PALM: variants seen among roughly 807,000 people sequenced by gnomAD.
PALM encodes the protein paralemmin.
In PALM, 18 loss-of-function variants were observed where a neutral mutation model predicts 30.7. That is an observed-to-expected ratio of 0.59 (90% confidence interval 0.41 to 0.87). PALM has a LOEUF of 0.87. Ranked by LOEUF, PALM falls within the 40% of genes least tolerant of loss-of-function variation. PALM has a pLI of 0.00. For missense variants in PALM, 529 were observed against 555.4 expected, an observed-to-expected ratio of 0.95 and a Z score of 0.48; for synonymous variants, 286 against 242.8, an observed-to-expected ratio of 1.18 and a Z score of -1.66.
chr19:727,832 G>C (rs971079810), intron 4 of PALM, 138 bp downstream of exon 4: 3 of 781,210 alleles, frequency 3.8e-6, no homozygotes, highest in Non-Finnish European at 6.0e-6. Flanking sequence ...GACCCAACAT[G>C]CTTTGAGGGG....
intron 5 of PALM, among the ~76,000 whole-genome samples, chr19:732,120 G>A (rs2032896251): frequency 6.6e-6 from 1 of 152,162 alleles, no homozygotes; most frequent in African/African-American, 2.4e-5. Context: ...GGGACCACAG[G>A]CACGCACCAC....
intron 1 of PALM, among the ~76,000 whole-genome samples, chr19:724,592 A>T (rs2032600296): frequency 6.6e-6 from 1 of 151,560 alleles, no homozygotes; most frequent in Non-Finnish European, 1.5e-5. Flanking sequence ...AAGTGCTGGG[A>T]TTACAAGCGT....
intron 1 of PALM, among the ~76,000 whole-genome samples, chr19:725,479 T>G (rs994804707): frequency 1.3e-5 from 2 of 152,130 alleles, no homozygotes; most frequent in Non-Finnish European, 2.9e-5. Context: ...GAGAATCGCT[T>G]GAACCCAGGA....
intron 1 of PALM, among the ~76,000 whole-genome samples, chr19:710,667 C>A (rs1213567188): frequency 2.4e-5 from 2 of 84,400 alleles, no homozygotes; most frequent in African/African-American, 1.0e-4. Context: ...CCCCCACCCC[C>A]CCTCCATCAC....
intron 1 of PALM, among the ~76,000 whole-genome samples, chr19:714,789 AG>A (rs1215370636): frequency 6.6e-6 from 1 of 152,036 alleles, no homozygotes; most frequent in Non-Finnish European, 1.5e-5. Context: ...CTGGGACTAC[AG>A]GTGCCACCAC....
chr19:738,658 G>A (rs1023531277), intron 7 of PALM, among the ~76,000 whole-genome samples: 2 of 152,158 alleles, frequency 1.3e-5, no homozygotes, highest in Admixed American at 6.5e-5. Context: ...TAGGGGCTGA[G>A]TCCAGGTCAA....
chr19:738,569 G>T (rs113525485), intron 7 of PALM, among the ~76,000 whole-genome samples: 10 of 152,236 alleles, frequency 6.6e-5, no homozygotes, highest in African/African-American at 2.4e-4. Flanking sequence ...CAACGGGTGG[G>T]AAGAGCCAGG....
At chr19:710,452 GC>G (rs1204276791) in intron 1 of PALM, among the ~76,000 whole-genome samples, 1 of 152,208 alleles carries the variant, frequency 6.6e-6, no homozygotes, top group Non-Finnish European at 1.5e-5. Flanking sequence ...TGCTCGCCAG[GC>G]CCCGGAGGAG....
intron 1 of PALM, among the ~76,000 whole-genome samples, chr19:724,508 C>T (rs944352978): frequency 2.6e-5 from 4 of 151,878 alleles, no homozygotes; most frequent in African/African-American, 4.8e-5. Flanking sequence ...TTAGTAGAGA[C>T]GGGGGTTTCA....
chr19:741,558 G>A (rs540688627), intron 8 of PALM, among the ~76,000 whole-genome samples: 34 of 150,686 alleles, frequency 2.3e-4, no homozygotes, highest in Admixed American at 4.6e-4. Flanking sequence ...GAGGGGAGAC[G>A]GGCTGCAGGG....
rs1599128241 is a variant in PALM, at chr19:709,086, G to C, written c.-61G>C. Reference sequence around the variant, plus strand: ...GCGTCCCCCTCCCCTCCCCTCCCCCGCGCGCCACCCGCGCCCGCCCCCGCC... The same window carrying C: ...GCGTCCCCCTCCCCTCCCCTCCCCCCCGCGCCACCCGCGCCCGCCCCCGCC... On this transcript the variant is annotated 5_prime_UTR_variant, in exon 1 of 9. Transcript: ENST00000338448. The surrounding 1 kb of genome is among the most constrained non-coding windows in gnomAD (Gnocchi z 4.3). 4.3e-6 allele frequency: 1 copy of C among 231,662 alleles called. No homozygotes were observed. The highest frequency in any genetic ancestry group is 8.2e-6 in the Non-Finnish European group (1 of 121,630). 14.4% of individuals were successfully genotyped at this position (231,662 alleles called of 1,614,324 possible).
intron 7 of PALM, among the ~76,000 whole-genome samples, chr19:737,533 AAGG>A (rs1333225951): frequency 1.3e-5 from 2 of 152,120 alleles, no homozygotes; most frequent in Non-Finnish European, 2.9e-5. Flanking sequence ...GAGCTGGAGG[AAGG>A]AGAATTTGAA....
intron 2 of PALM, among the ~76,000 whole-genome samples, chr19:726,755 G>A (rs933759403): frequency 3.0e-4 from 46 of 152,316 alleles, no homozygotes; most frequent in Non-Finnish European, 5.6e-4. Context: ...CTCCCGCCTT[G>A]GCCTCCCAAA....
chr19:719,338 T>G (rs964947435), intron 1 of PALM: 2 of 985,472 alleles, frequency 2.0e-6, no homozygotes, highest in Non-Finnish European at 1.2e-6. Context: ...GGTTTGGGCC[T>G]CATGAACTCA....
At chr19:730,297 G>A (rs1009690) in intron 4 of PALM, among the ~76,000 whole-genome samples, 74,814 of 151,710 alleles carry the variant, frequency 0.49, 18,789 homozygotes, top group African/African-American at 0.6. Flanking sequence ...TTAGACTTAC[G>A]CACTCAGCCC....
In PALM at chr19:746,776, A is replaced by C. The variant is rs370854916; in HGVS notation, c.1126A>C (p.Met376Leu). The C allele has an allele frequency of 1.3e-6, 2 of 1,582,108 alleles. No individual in the cohort carries two copies. The change falls in exon 9 of 9, where the codon ATG becomes CTG. Residue 376 changes from methionine (M) to leucine (L), a missense_variant. Met to Leu is a conservative substitution (Grantham distance 15). Transcript: ENST00000338448. The surrounding 1 kb of genome is among the most constrained non-coding windows in gnomAD (Gnocchi z 7.1). ...CACCAGCGACCCCCAGGACCTCGAC[A>C]TGAAGAAGCACCGTTGTAAATGCTG... ...ATTSDPQDLD[M>L]KKHRCKCCSI...
At position 743,949 on chromosome 19, in the gene PALM, G is replaced by T. The variant is rs567142644; in HGVS notation, c.635-2336G>T. On this transcript the variant is annotated intron_variant, in intron 8 of 8. Transcript: ENST00000338448. ...ACATTGTCAGAAAGTGACCACCGTG[G>T]CCCAGGCTGCCAAGGAGGTTTTAGG... 9.2e-5 allele frequency among the ~76,000 whole-genome samples: 14 copies of T among 152,316 alleles called. No homozygotes were observed. The East Asian group carries it at 1.7e-3, about 19-fold the overall frequency.
chr19:718,539 G>A (rs1237202282), intron 1 of PALM, among the ~76,000 whole-genome samples: 3 of 152,170 alleles, frequency 2.0e-5, no homozygotes, highest in Non-Finnish European at 2.9e-5. Context: ...GCCCGGGCAG[G>A]GTCCCTTCCC....
intron 1 of PALM, among the ~76,000 whole-genome samples, chr19:710,638 G>C (rs2032043608): frequency 6.6e-6 from 1 of 150,932 alleles, no homozygotes; most frequent in African/African-American, 2.4e-5. Flanking sequence ...CTGAGGCCCA[G>C]AGAGGAGCTG....
Sources: allele counts gnomAD v4.1 joint callset (sites outside exome capture counted in the v4.1 genomes callset), GRCh38; gene constraint gnomAD v4.1.1; non-coding constraint Gnocchi (gnomAD v3.1); transcripts MANE v1.5; gene names NCBI Gene and HGNC (gene_info 2026-07-23, HGNC 2026-07-21).